The following RBKS variants were observed in gnomAD, a reference collection of about 807,000 sequenced individuals.
RBKS encodes ribokinase.
RBKS carries 33 observed loss-of-function variants against 33.9 expected under a neutral mutation model. That is an observed-to-expected ratio of 0.97 (90% confidence interval 0.74 to 1.30). The LOEUF is 1.30. Among genes scored for constraint, RBKS ranks in the 50% most tolerant of loss-of-function variants. RBKS has a pLI of 0.00. For synonymous variants in RBKS, 125 were observed against 143.0 expected (o/e 0.87, Z 0.90); for missense variants, 361 against 392.6 (o/e 0.92, Z 0.68).
intron 7 of RBKS, among the ~76,000 whole-genome samples, chr2:27,811,802 T>C (rs774862506): frequency 2.0e-5 from 3 of 152,066 alleles, no homozygotes; most frequent in Non-Finnish European, 4.4e-5. Context: ...AGTTTGCTGG[T>C]CCGGGTAATC....
chr2:27,798,696 C>T (rs964110580), intron 7 of RBKS, among the ~76,000 whole-genome samples: 3 of 152,142 alleles, frequency 2.0e-5, no homozygotes, highest in African/African-American at 7.2e-5. Flanking sequence ...ACATGGCACA[C>T]GAGGTTCCCT....
chr2:27,789,875 TGTGTGTGTGTGTGTGTGTGTATAGA>T (rs1410074534), intron 7 of RBKS, among the ~76,000 whole-genome samples: 1 of 146,740 alleles, frequency 6.8e-6, no homozygotes, highest in Admixed American at 6.8e-5. Context: ...CTGATGTGTG[TGTGTGTGTGTGTGTGTGTGTATAGA>T]GTGTGTGTGT....
At chr2:27,833,315 A>AG (rs1350806758) in intron 5 of RBKS, among the ~76,000 whole-genome samples, 1 of 152,202 alleles carries the variant, frequency 6.6e-6, no homozygotes, top group Non-Finnish European at 1.5e-5. Flanking sequence ...TGCCTCCCAA[A>AG]TATATCACAA....
At chr2:27,883,525 A>G (rs535961928) in intron 1 of RBKS, among the ~76,000 whole-genome samples, 78 of 152,136 alleles carry the variant, frequency 5.1e-4, no homozygotes, top group African/African-American at 1.9e-3. Flanking sequence ...CTTAGTGTTT[A>G]GCACACTATA....
chr2:27,794,759 G>C (rs967853078), intron 7 of RBKS, among the ~76,000 whole-genome samples: 1 of 152,012 alleles, frequency 6.6e-6, no homozygotes, highest in African/African-American at 2.4e-5. Context: ...AAGTAGCTGG[G>C]ATTACAAGCG....
chr2:27,850,708 A>G (rs752126348), intron 2 of RBKS, among the ~76,000 whole-genome samples: 1 of 152,194 alleles, frequency 6.6e-6, no homozygotes, highest in South Asian at 2.1e-4. Flanking sequence ...ACCAGAGTTT[A>G]TTTATCCATT....
At chr2:27,875,007 A>T (rs1292717468) in intron 1 of RBKS, among the ~76,000 whole-genome samples, 1 of 152,214 alleles carries the variant, frequency 6.6e-6, no homozygotes, top group Non-Finnish European at 1.5e-5. Context: ...AGGAGTGTCC[A>T]ACAGAAAAAT....
At chr2:27,834,235 G>A (rs1678474390) in intron 5 of RBKS, among the ~76,000 whole-genome samples, 1 of 152,104 alleles carries the variant, frequency 6.6e-6, no homozygotes, top group Non-Finnish European at 1.5e-5. Flanking sequence ...ACCTTCCTTG[G>A]TCTTACCTAG....
At chr2:27,814,465 G>A (rs1472044807) in intron 7 of RBKS, among the ~76,000 whole-genome samples, 2 of 152,018 alleles carry the variant, frequency 1.3e-5, no homozygotes, top group Admixed American at 6.6e-5. Flanking sequence ...GAAGGAAAGA[G>A]AGGCAATCTG....
chr2:27,791,476 C>A (rs1677518901), intron 7 of RBKS, among the ~76,000 whole-genome samples: 1 of 152,034 alleles, frequency 6.6e-6, no homozygotes, highest in Admixed American at 6.6e-5. Context: ...TCTCCCCTCT[C>A]CCTCAGCACA....
intron 5 of RBKS, among the ~76,000 whole-genome samples, chr2:27,841,071 A>G (rs1663486225): frequency 2.0e-5 from 3 of 152,204 alleles, no homozygotes; most frequent in Middle Eastern, 6.8e-3. Flanking sequence ...GCCCACTGTC[A>G]CCTACCCCGC....
Position 27,843,227 on chromosome 2 carries a change from C to G in RBKS, c.354G>C (p.Gln118His). The change falls in exon 5 of 8, where the codon CAG becomes CAC. Residue 118 changes from glutamine (Q) to histidine (H), a missense_variant. Coordinates refer to ENST00000302188, the MANE Select transcript of RBKS (RefSeq NM_022128.3). Reference protein sequence around the residue: ...TASIIVNNEGQNIIVIVAGAN... With the variant: ...TASIIVNNEGHNIIVIVAGAN... ...CTCCAGCCACTATGACAATGATATT[C>G]TGGCCTATAAAGAAATTCCACCTAT... 1.2e-6 allele frequency: 2 copies of G among 1,602,192 alleles called. No homozygotes were observed. Among genetic ancestry groups the G allele is most frequent in the Non-Finnish European group, 1.7e-6 (2 of 1,174,890 alleles).
chr2:27,858,552 T>C lies in RBKS; in HGVS notation c.109A>G (p.Lys37Glu). The C allele has an allele frequency of 6.2e-7, 1 of 1,613,642 alleles. No individual in the cohort carries two copies. The highest frequency in any genetic ancestry group is 8.5e-7 in the Non-Finnish European group (1 of 1,179,844). Reference sequence around the variant, plus strand: ...TGTCCATGGATGGTTTCTCCAGTTTTTGGCAAACGAGAAGTAAGACTATTG... The same window carrying C: ...TGTCCATGGATGGTTTCTCCAGTTTCTGGCAAACGAGAAGTAAGACTATTG... ...DLVSLTSRLPKTGETIHGHKF... is the reference protein window; with the variant it reads ...DLVSLTSRLPETGETIHGHKF... Residue 37 changes from lysine to glutamate, a missense_variant, in exon 2 of 8, where the codon AAA (lysine) becomes GAA (glutamate). Transcript: ENST00000302188.
intron 2 of RBKS, among the ~76,000 whole-genome samples, chr2:27,848,838 CAAA>C (rs58195900): frequency 6.3e-5 from 6 of 95,456 alleles, no homozygotes; most frequent in Admixed American, 1.0e-4. Context: ...GAGACTGTCT[CAAA>C]AAAAAAAAAA....
At chr2:27,830,539 C>T (rs1055330478) in intron 6 of RBKS, among the ~76,000 whole-genome samples, 4 of 152,208 alleles carry the variant, frequency 2.6e-5, no homozygotes. Context: ...GCTGGGATTA[C>T]AGGCGTTAGC....
At chr2:27,841,786 GT>G (rs1663518469) in intron 5 of RBKS, among the ~76,000 whole-genome samples, 2 of 136,424 alleles carry the variant, frequency 1.5e-5, no homozygotes, top group South Asian at 4.7e-4. Flanking sequence ...TTTCTTTTTA[GT>G]TTTGTATCTT....
intron 1 of RBKS, among the ~76,000 whole-genome samples, chr2:27,860,091 C>G (rs1222160946): frequency 1.3e-5 from 2 of 152,062 alleles, no homozygotes; most frequent in Non-Finnish European, 2.9e-5. Context: ...CCCACTCCTC[C>G]CCTTTAAATT....
intron 3 of RBKS, 60 bp downstream of exon 3, chr2:27,847,974 C>T (rs1014002442): frequency 2.1e-6 from 2 of 972,744 alleles, no homozygotes; most frequent in African/African-American, 3.3e-5. Context: ...CAATTTTTCT[C>T]ATAACAAAAT....
intron 7 of RBKS, among the ~76,000 whole-genome samples, chr2:27,820,695 A>T (rs1678186396): frequency 6.6e-6 from 1 of 151,828 alleles, no homozygotes; most frequent in South Asian, 2.1e-4. Flanking sequence ...TACAGGTGTG[A>T]GCCAGCATGA....
Sources: gnomAD v4.1 joint callset for allele counts (sites outside exome capture counted in the v4.1 genomes callset) on GRCh38, gnomAD v4.1.1 for gene constraint, MANE v1.5 for transcripts, NCBI Gene and HGNC (gene_info 2026-07-23, HGNC 2026-07-21) for gene names.